The following ANGPTL2 variants were observed in gnomAD, a reference collection of about 807,000 sequenced individuals.
The protein encoded by ANGPTL2 is angiopoietin like 2.
ANGPTL2 carries 25 observed loss-of-function variants against 52.8 expected under a neutral mutation model. The ratio of observed to expected loss-of-function variants is 0.47; its 90% CI spans 0.35 to 0.66. ANGPTL2 has a LOEUF of 0.66. ANGPTL2 is among the 30% of genes least tolerant of loss of function. The pLI, the probability that ANGPTL2 is intolerant of heterozygous loss-of-function variation, is 0.01. For synonymous variants in ANGPTL2, 276 were observed against 277.4 expected (o/e 1.00, Z 0.05); for missense variants, 546 against 656.9 (o/e 0.83, Z 1.84).
chr9:127,099,073 G>A (rs762683165), intron 2 of ANGPTL2, among the ~76,000 whole-genome samples: 4 of 152,188 alleles, frequency 2.6e-5, no homozygotes, highest in East Asian at 1.9e-4. Context: ...AGGTGTGGGG[G>A]GAGGAGCAGA....
Position 127,091,647 on chromosome 9 carries a change from G to A in ANGPTL2, c.1282+23C>T, listed in dbSNP as rs1207417218. The A allele has an allele frequency of 4.4e-6, 7 of 1,606,778 alleles. No homozygotes were observed. The highest frequency in any genetic ancestry group is 8.5e-7 in the Non-Finnish European group (1 of 1,175,344). On this transcript the variant is annotated intron_variant, in intron 4 of 4. Coordinates refer to ENST00000373425, the MANE Select transcript of ANGPTL2 (RefSeq NM_012098.3). The surrounding 1 kb of genome is among the most constrained non-coding windows in gnomAD (Gnocchi z 4.3). ...GACCTCTTTTCCCTACCCTGCACCT[G>A]GGTTTGACTCCACTTTTCCTACCTG...
intron 1 of ANGPTL2, among the ~76,000 whole-genome samples, chr9:127,112,660 T>G (rs917871512): frequency 6.6e-6 from 1 of 152,242 alleles, no homozygotes; most frequent in Non-Finnish European, 1.5e-5. Context: ...TGAAATGGGA[T>G]GATCCAACCC....
intron 1 of ANGPTL2, among the ~76,000 whole-genome samples, chr9:127,121,433 C>T (rs2056073934): frequency 6.6e-6 from 1 of 152,182 alleles, no homozygotes. Flanking sequence ...CTCAATTTTC[C>T]CCAGAGAGTG....
chr9:127,091,857 G>T lies in ANGPTL2; in HGVS notation c.1095C>A (p.Leu365=), dbSNP rs1206775436. ...CGGACCAGTCCTCCATGGTCACCAGGAGTTTGTAGTTGCCTTGGTTCGTCA... is the reference window on the plus strand; with the variant it reads ...CGGACCAGTCCTCCATGGTCACCAGTAGTTTGTAGTTGCCTTGGTTCGTCA... ...YWLTNQGNYK[L]LVTMEDWSGR... Residue 365 remains leucine (L), a synonymous_variant, in exon 4 of 5, where the codon CTC becomes CTA. Transcript: ENST00000373425. The surrounding 1 kb of genome is among the most constrained non-coding windows in gnomAD (Gnocchi z 4.3). The T allele has an allele frequency of 1.2e-6, 2 of 1,614,182 alleles. No individual in the cohort carries two copies. The highest frequency in any genetic ancestry group is 3.3e-5 in the Admixed American group (2 of 60,036).
chr9:127,111,585 G>A (rs925770386), intron 1 of ANGPTL2, among the ~76,000 whole-genome samples: 1 of 152,220 alleles, frequency 6.6e-6, no homozygotes, highest in East Asian at 1.9e-4. Flanking sequence ...TCAGAGCTGC[G>A]CAGAGGAGGG....
intron 4 of ANGPTL2, 24 bp from the exon 5 acceptor site, chr9:127,089,162 G>T (rs187115250): frequency 2.2e-4 from 352 of 1,613,088 alleles, no homozygotes; most frequent in Non-Finnish European, 2.8e-4. Context: ...GGCAGTGAGA[G>T]GGTGTCTGGG....
At chr9:127,105,546 T>C (rs1351774500) in intron 2 of ANGPTL2, among the ~76,000 whole-genome samples, 2 of 152,228 alleles carry the variant, frequency 1.3e-5, no homozygotes, top group Non-Finnish European at 2.9e-5. Flanking sequence ...GCCACGTCTA[T>C]CTAATCTCTC....
At chr9:127,105,665 G>C (rs377435561) in intron 2 of ANGPTL2, among the ~76,000 whole-genome samples, 25 of 152,300 alleles carry the variant, frequency 1.6e-4, no homozygotes, top group African/African-American at 6.0e-4. Flanking sequence ...CTGCATTCCT[G>C]ATTTTAGAAA....
At chr9:127,092,855 A>G (rs1393035017) in intron 3 of ANGPTL2, among the ~76,000 whole-genome samples, 1 of 152,124 alleles carries the variant, frequency 6.6e-6, no homozygotes, top group Non-Finnish European at 1.5e-5. Flanking sequence ...GACAACCAGG[A>G]CAGGAGACTC....
intron 1 of ANGPTL2, among the ~76,000 whole-genome samples, chr9:127,121,687 C>T (rs2056102786): frequency 6.6e-6 from 1 of 152,252 alleles, no homozygotes. Flanking sequence ...ATCTTGGCCA[C>T]ATCCACTCAG....
rs2054420699 is a variant in ANGPTL2 at position 127,108,167 on chromosome 9, G to A, written c.565C>T (p.Leu189=). The A allele has an allele frequency of 6.2e-7, 1 of 1,614,148 alleles. No individual in the cohort carries two copies. Among genetic ancestry groups the A allele is most frequent in the Non-Finnish European group, 8.5e-7 (1 of 1,180,018 alleles). ...LEHKYQHLAT[L]AHNQSEIIAQ... ...ATGATCTCTGATTGGTTGTGGGCCA[G>A]TGTGGCCAGGTGCTGGTACTTGTGC... The change falls in exon 2 of 5, where the codon CTG becomes TTG. Residue 189 remains leucine, a synonymous_variant. Coordinates refer to ENST00000373425, the MANE Select transcript of ANGPTL2 (RefSeq NM_012098.3).
At chr9:127,096,020 TCACC>T (rs2136598547) in intron 2 of ANGPTL2, among the ~76,000 whole-genome samples, 1 of 152,264 alleles carries the variant, frequency 6.6e-6, no homozygotes, top group African/African-American at 2.4e-5. Flanking sequence ...AAGGATCTTC[TCACC>T]CATTTACCTT....
chr9:127,092,981 A>C (rs2052662522), intron 3 of ANGPTL2, among the ~76,000 whole-genome samples: 1 of 152,090 alleles, frequency 6.6e-6, no homozygotes, highest in African/African-American at 2.4e-5. Context: ...TGGCTTTGCA[A>C]CCCTGAGCAA....
At chr9:127,103,229 G>A (rs2053906188) in intron 2 of ANGPTL2, among the ~76,000 whole-genome samples, 1 of 152,254 alleles carries the variant, frequency 6.6e-6, no homozygotes, top group Non-Finnish European at 1.5e-5. Context: ...ACCTTATAGG[G>A]TGGAATAAAA....
chr9:127,099,311 C>G (rs2053486904), intron 2 of ANGPTL2, among the ~76,000 whole-genome samples: 1 of 152,224 alleles, frequency 6.6e-6, no homozygotes, highest in Non-Finnish European at 1.5e-5. Context: ...TGTGATATCA[C>G]TAAGATGCAG....
intron 2 of ANGPTL2, among the ~76,000 whole-genome samples, chr9:127,095,402 C>CA (rs967713376): frequency 6.6e-6 from 1 of 152,004 alleles, no homozygotes. Context: ...GACTCCGTCT[C>CA]AAAAAAATAA....
intron 1 of ANGPTL2, among the ~76,000 whole-genome samples, chr9:127,119,512 GTGACTT>G (rs1432703223): frequency 1.3e-5 from 2 of 152,226 alleles, no homozygotes; most frequent in Admixed American, 1.3e-4. Flanking sequence ...ACATAACTGT[GTGACTT>G]TGGGCAAGTT....
intron 1 of ANGPTL2, among the ~76,000 whole-genome samples, chr9:127,110,541 T>C (rs761306914): frequency 9.2e-5 from 14 of 152,194 alleles, no homozygotes; most frequent in Non-Finnish European, 1.9e-4. Flanking sequence ...TCTGGAACTC[T>C]CCCCAGGACT....
At chr9:127,113,266 G>A (rs1204097180) in intron 1 of ANGPTL2, among the ~76,000 whole-genome samples, 1 of 152,150 alleles carries the variant, frequency 6.6e-6, no homozygotes, top group Non-Finnish European at 1.5e-5. Flanking sequence ...AACAGCCAAA[G>A]GTGACTGAGC....
Sources: gnomAD v4.1 joint callset for allele counts (sites outside exome capture counted in the v4.1 genomes callset) on GRCh38, gnomAD v4.1.1 for gene constraint, Gnocchi (gnomAD v3.1) non-coding constraint, MANE v1.5 for transcripts, NCBI Gene and HGNC (gene_info 2026-07-23, HGNC 2026-07-21) for gene names.